PPARGC1A: variants seen among roughly 807,000 people sequenced by gnomAD.
The protein encoded by PPARGC1A is peroxisome proliferator-activated receptor gamma coactivator 1-alpha.
A neutral mutation model predicts 88.7 loss-of-function variants in PPARGC1A; 25 were observed. The observed-to-expected ratio is 0.28, with a 90% CI of 0.21 to 0.39. The LOEUF is 0.39. Ranked by LOEUF, PPARGC1A falls within the 10% of genes least tolerant of loss-of-function variation. The pLI is 1.00. For synonymous variants in PPARGC1A, 363 were observed against 355.6 expected (o/e 1.02, Z -0.24); for missense variants, 880 against 968.7 (o/e 0.91, Z 1.22).
the PPARGC1A span, among the ~76,000 whole-genome samples, chr4:24,334,424 G>C: frequency 6.6e-6 from 1 of 152,152 alleles, no homozygotes; most frequent in Admixed American, 6.5e-5. Flanking sequence ...AATATTGTCA[G>C]GTACTTCGTG....
rs1341475509 is a variant in PPARGC1A at position 23,824,262 on chromosome 4, G to A, written c.877+18C>T. 6.2e-7 allele frequency: 1 copy of A among 1,600,972 alleles called. No individual in the cohort carries two copies. Among genetic ancestry groups the A allele is most frequent in the South Asian group, 1.1e-5 (1 of 90,796 alleles). On this transcript the variant is annotated intron_variant, in intron 7 of 12. Coordinates refer to ENST00000264867, the MANE Select transcript of PPARGC1A (RefSeq NM_013261.5). ...ACAGACAGACACACACAAGTTCTAA[G>A]TGAAATATAAGGCTTACCTGCAGTT...
chr4:24,404,153 C>T, the PPARGC1A span, among the ~76,000 whole-genome samples: 1 of 152,038 alleles, frequency 6.6e-6, no homozygotes, highest in African/African-American at 2.4e-5. Context: ...ATCCCAGCTA[C>T]TCAGGAGGCT....
At chr4:23,994,826 T>C in the PPARGC1A span, among the ~76,000 whole-genome samples, 2 of 152,170 alleles carry the variant, frequency 1.3e-5, no homozygotes, top group African/African-American at 4.8e-5. Flanking sequence ...CACCAAATGA[T>C]GTTGATCATT....
chr4:23,980,084 G>A, the PPARGC1A span, among the ~76,000 whole-genome samples: 1 of 148,000 alleles, frequency 6.8e-6, no homozygotes, highest in Non-Finnish European at 1.5e-5. Flanking sequence ...GGTTCTTCAT[G>A]TTTTCCTCTG....
the PPARGC1A span, among the ~76,000 whole-genome samples, chr4:24,151,804 A>C: frequency 6.6e-6 from 1 of 152,154 alleles, no homozygotes; most frequent in East Asian, 1.9e-4. Context: ...TCAACTTAAC[A>C]CTATGGCATC....
chr4:24,438,082 G>C, the PPARGC1A span, among the ~76,000 whole-genome samples: 1 of 152,194 alleles, frequency 6.6e-6, no homozygotes, highest in African/African-American at 2.4e-5. Flanking sequence ...GGACACAGCA[G>C]AGTCCAGGAT....
chr4:24,214,816 A>T, the PPARGC1A span, among the ~76,000 whole-genome samples: 1 of 152,216 alleles, frequency 6.6e-6, no homozygotes, highest in East Asian at 1.9e-4. Context: ...AGGTACAGAT[A>T]TGTAAGTAGA....
chr4:24,361,039 G>A, the PPARGC1A span, among the ~76,000 whole-genome samples: 2 of 152,132 alleles, frequency 1.3e-5, no homozygotes, highest in Non-Finnish European at 2.9e-5. Context: ...GCAGGCAGAT[G>A]AGAGGAGATA....
At chr4:24,431,281 T>C in the PPARGC1A span, among the ~76,000 whole-genome samples, 2 of 152,104 alleles carry the variant, frequency 1.3e-5, no homozygotes, top group African/African-American at 4.8e-5. Flanking sequence ...GATGGGATGA[T>C]GTCAACATTA....
the PPARGC1A span, among the ~76,000 whole-genome samples, chr4:24,104,321 G>A: frequency 6.6e-6 from 1 of 152,160 alleles, no homozygotes; most frequent in Non-Finnish European, 1.5e-5. Context: ...TTTTAAGAGA[G>A]ATCTGTGCAG....
At chr4:24,122,869 G>A in the PPARGC1A span, among the ~76,000 whole-genome samples, 3 of 152,128 alleles carry the variant, frequency 2.0e-5, no homozygotes, top group South Asian at 2.1e-4. Flanking sequence ...ATGCAATAAG[G>A]TGCTGGCAAT....
At chr4:24,413,259 C>G in the PPARGC1A span, among the ~76,000 whole-genome samples, 1 of 69,418 alleles carries the variant, frequency 1.4e-5, no homozygotes, top group Non-Finnish European at 3.0e-5. Context: ...TTTTTTTTGC[C>G]TTAAGGTTTG....
chr4:24,212,637 T>G, the PPARGC1A span, among the ~76,000 whole-genome samples: 1 of 152,210 alleles, frequency 6.6e-6, no homozygotes, highest in East Asian at 1.9e-4. Flanking sequence ...TGGTGATAAT[T>G]GGGCAACTTG....
At chr4:23,996,864 T>G in the PPARGC1A span, among the ~76,000 whole-genome samples, 1 of 152,272 alleles carries the variant, frequency 6.6e-6, no homozygotes, top group African/African-American at 2.4e-5. Context: ...GATTTGACAA[T>G]GAGTGCTAGT....
chr4:23,938,111 A>C, the PPARGC1A span, among the ~76,000 whole-genome samples: 1 of 152,168 alleles, frequency 6.6e-6, no homozygotes, highest in Non-Finnish European at 1.5e-5. Flanking sequence ...GGAGACTAAA[A>C]AAAAAAGTGC....
chr4:24,131,199 T>TAA, the PPARGC1A span, among the ~76,000 whole-genome samples: 3 of 145,438 alleles, frequency 2.1e-5, no homozygotes, highest in African/African-American at 7.5e-5. Flanking sequence ...GTTGAATGAG[T>TAA]AAAAAAAAAA....
At chr4:24,191,231 C>T in the PPARGC1A span, among the ~76,000 whole-genome samples, 4 of 152,140 alleles carry the variant, frequency 2.6e-5, no homozygotes, top group Admixed American at 1.3e-4. Flanking sequence ...GCAGCTTGGA[C>T]GTGAATGAGG....
At chr4:24,238,329 C>T in the PPARGC1A span, among the ~76,000 whole-genome samples, 1 of 152,152 alleles carries the variant, frequency 6.6e-6, no homozygotes, top group East Asian at 1.9e-4. Flanking sequence ...AAAGCATAGG[C>T]TTTGGTGGGT....
the PPARGC1A span, among the ~76,000 whole-genome samples, chr4:24,022,959 C>T: frequency 3.9e-5 from 6 of 152,078 alleles, no homozygotes; most frequent in Admixed American, 6.6e-5. Flanking sequence ...GTGCCTTAAC[C>T]TCTAGGAGCT....
Sources: gnomAD v4.1 joint callset for allele counts (sites outside exome capture counted in the v4.1 genomes callset) on GRCh38, gnomAD v4.1.1 for gene constraint, MANE v1.5 for transcripts, NCBI Gene and HGNC (gene_info 2026-07-23, HGNC 2026-07-21) for gene names.